PTPRR: variants seen among roughly 807,000 people sequenced by gnomAD.
PTPRR encodes the protein receptor-type tyrosine-protein phosphatase R.
A neutral mutation model predicts 77.2 loss-of-function variants in PTPRR; 38 were observed. The ratio of observed to expected loss-of-function variants is 0.49; its 90% CI spans 0.38 to 0.65. PTPRR has a LOEUF of 0.65. PTPRR is among the 30% of genes least tolerant of loss of function. The pLI is 0.00. For synonymous variants in PTPRR, 299 were observed against 283.1 expected (o/e 1.06, Z -0.57); for missense variants, 744 against 799.2 (o/e 0.93, Z 0.83).
chr12:70,683,992 G>T, intron 10 of PTPRR, 135 bp downstream of exon 10: 1 of 882,148 alleles, frequency 1.1e-6, no homozygotes, highest in Non-Finnish European at 1.7e-6. Flanking sequence ...TATTTGGGAT[G>T]TATTAAGTGA....
chr12:70,815,427 A>G (rs1049995770), intron 2 of PTPRR, among the ~76,000 whole-genome samples: 3 of 152,204 alleles, frequency 2.0e-5, no homozygotes, highest in African/African-American at 7.2e-5. Context: ...AAATTTAATA[A>G]AAGTCTTATA....
At position 70,849,327 on chromosome 12, in the gene PTPRR, G is replaced by A. The variant is rs376518512; in HGVS notation, c.357+43352C>T. 2.6e-5 allele frequency among the ~76,000 whole-genome samples: 4 copies of A among 152,302 alleles called. No homozygotes were observed. The East Asian group carries it at 5.8e-4, about 22-fold the overall frequency. On this transcript the variant is annotated intron_variant, in intron 2 of 13. Coordinates refer to ENST00000283228, the MANE Select transcript of PTPRR (RefSeq NM_002849.4). ...GAGAGTAGCTTTCCTGTTAAAGAGA[G>A]TTCTTAAGAATAGGCCAGATAGCCA...
chr12:70,871,849 T>C (rs1892963956), intron 2 of PTPRR, among the ~76,000 whole-genome samples: 1 of 152,208 alleles, frequency 6.6e-6, no homozygotes, highest in African/African-American at 2.4e-5. Flanking sequence ...CTTGAGTATA[T>C]ATTTTTGAGC....
At chr12:70,701,083 T>G (rs1888403555) in intron 7 of PTPRR, 54 bp downstream of exon 7, 1 of 1,579,004 alleles carries the variant, frequency 6.3e-7, no homozygotes, top group Non-Finnish European at 8.7e-7. Context: ...ACGTCTCTAG[T>G]GCCCCATGTA....
intron 2 of PTPRR, among the ~76,000 whole-genome samples, chr12:70,865,122 T>C (rs984334880): frequency 6.6e-6 from 1 of 152,130 alleles, no homozygotes; most frequent in Non-Finnish European, 1.5e-5. Context: ...CGAGATCTGA[T>C]GATTTTATAA....
intron 2 of PTPRR, among the ~76,000 whole-genome samples, chr12:70,872,154 G>T (rs780243299): frequency 3.3e-5 from 5 of 151,638 alleles, no homozygotes; most frequent in Non-Finnish European, 7.4e-5. Context: ...TTCTGTAAAA[G>T]GCCATCTAAA....
At chr12:70,858,162 T>C (rs1299740093) in intron 2 of PTPRR, among the ~76,000 whole-genome samples, 4 of 152,106 alleles carry the variant, frequency 2.6e-5, no homozygotes, top group Non-Finnish European at 4.4e-5. Flanking sequence ...CACTGCAGTG[T>C]GAGGCTCTTC....
intron 2 of PTPRR, among the ~76,000 whole-genome samples, chr12:70,803,145 A>C (rs1400595077): frequency 6.6e-6 from 1 of 152,182 alleles, no homozygotes; most frequent in Admixed American, 6.5e-5. Context: ...TTTGTCACTA[A>C]AGCAGTTGCC....
intron 2 of PTPRR, among the ~76,000 whole-genome samples, chr12:70,863,031 T>C (rs551341789): frequency 2.6e-4 from 40 of 152,288 alleles, no homozygotes; most frequent in Admixed American, 3.9e-4. Flanking sequence ...AAGGCTGTAG[T>C]AGAATATGTC....
intron 4 of PTPRR, chr12:70,754,854 C>G: frequency 4.5e-6 from 4 of 890,356 alleles, no homozygotes; most frequent in South Asian, 1.9e-5. Context: ...CAAAACCTGA[C>G]TAAAATATCA....
chr12:70,751,838 T>C (rs963252470), intron 5 of PTPRR, among the ~76,000 whole-genome samples: 7 of 152,206 alleles, frequency 4.6e-5, no homozygotes, highest in African/African-American at 1.2e-4. Flanking sequence ...TGAACCAATA[T>C]TGATGTATTA....
At chr12:70,657,620 C>T (rs575250693) in intron 12 of PTPRR, among the ~76,000 whole-genome samples, 1 of 152,254 alleles carries the variant, frequency 6.6e-6, no homozygotes, top group Admixed American at 6.5e-5. Context: ...ATTGTCATTC[C>T]ATCTCCTCCT....
chr12:70,763,645 G>A (rs937730768), intron 3 of PTPRR, among the ~76,000 whole-genome samples: 11 of 152,266 alleles, frequency 7.2e-5, no homozygotes, highest in South Asian at 4.1e-4. Flanking sequence ...ATGCAGATGG[G>A]TGCAATAGAA....
At chr12:70,829,131 T>C (rs1485900449) in intron 2 of PTPRR, among the ~76,000 whole-genome samples, 2 of 151,980 alleles carry the variant, frequency 1.3e-5, no homozygotes, top group Non-Finnish European at 2.9e-5. Flanking sequence ...ATGTGGGCAG[T>C]AACTTGTCTA....
intron 8 of PTPRR, among the ~76,000 whole-genome samples, chr12:70,695,727 A>G (rs139033486): frequency 5.9e-5 from 9 of 152,276 alleles, no homozygotes; most frequent in African/African-American, 2.2e-4. Flanking sequence ...TATATTTTAG[A>G]TAAAAATTTA....
At chr12:70,797,175 T>C (rs1426426163) in intron 2 of PTPRR, among the ~76,000 whole-genome samples, 1 of 152,214 alleles carries the variant, frequency 6.6e-6, no homozygotes, top group Non-Finnish European at 1.5e-5. Flanking sequence ...AATGAATGTT[T>C]ACTTGATTCA....
At chr12:70,833,116 A>G (rs1012688094) in intron 2 of PTPRR, among the ~76,000 whole-genome samples, 1 of 152,142 alleles carries the variant, frequency 6.6e-6, no homozygotes, top group Admixed American at 6.5e-5. Context: ...AACACTGGGG[A>G]TCACATTTCA....
intron 2 of PTPRR, among the ~76,000 whole-genome samples, chr12:70,806,403 G>A (rs750907971): frequency 4.6e-5 from 7 of 152,176 alleles, no homozygotes; most frequent in Non-Finnish European, 7.3e-5. Context: ...ATATATACAA[G>A]ATATAGTGGT....
chr12:70,653,260 G>A (rs778768205), intron 13 of PTPRR, among the ~76,000 whole-genome samples: 1 of 152,164 alleles, frequency 6.6e-6, no homozygotes, highest in Non-Finnish European at 1.5e-5. Context: ...CCCCTTTCCT[G>A]TGTGAAGACA....
Sources: allele counts gnomAD v4.1 joint callset (sites outside exome capture counted in the v4.1 genomes callset), GRCh38; gene constraint gnomAD v4.1.1; transcripts MANE v1.5; gene names NCBI Gene and HGNC (gene_info 2026-07-23, HGNC 2026-07-21).